The following TENM2 variants were observed in gnomAD, a reference collection of about 807,000 sequenced individuals.
TENM2 encodes the protein teneurin-2.
TENM2 carries 52 observed loss-of-function variants against 245.2 expected under a neutral mutation model. The ratio of observed to expected loss-of-function variants is 0.21; its 90% CI spans 0.17 to 0.27. The LOEUF (loss-of-function observed/expected upper bound fraction) is 0.27, where lower values mean the gene tolerates loss of function less well. TENM2 is among the 10% of genes least tolerant of loss of function. The pLI, the probability that TENM2 is intolerant of heterozygous loss-of-function variation, is 1.00. For missense variants in TENM2, 3,046 were observed against 3,666.8 expected, an observed-to-expected ratio of 0.83 and a Z score of 4.37; for synonymous variants, 1,363 against 1,438.9, an observed-to-expected ratio of 0.95 and a Z score of 1.19.
At chr5:167,368,460 T>C (rs1408911445) in intron 1 of TENM2, among the ~76,000 whole-genome samples, 1 of 152,208 alleles carries the variant, frequency 6.6e-6, no homozygotes, top group African/African-American at 2.4e-5. Flanking sequence ...AGTTCATTAA[T>C]TTTCCTAAGG....
At chr5:167,430,893 G>C (rs1764179252) in intron 2 of TENM2, among the ~76,000 whole-genome samples, 1 of 152,154 alleles carries the variant, frequency 6.6e-6, no homozygotes, top group African/African-American at 2.4e-5. Flanking sequence ...ACAGGGAGTA[G>C]AAAATAGAAA....
chr5:168,216,018 T>C (rs531021060), intron 21 of TENM2, among the ~76,000 whole-genome samples: 1 of 152,166 alleles, frequency 6.6e-6, no homozygotes, highest in African/African-American at 2.4e-5. Context: ...TGGGAACCCA[T>C]GGGTCTCTAT....
chr5:168,118,942 C>CTT (rs1795282793), intron 10 of TENM2, among the ~76,000 whole-genome samples: 2 of 152,088 alleles, frequency 1.3e-5, no homozygotes, highest in African/African-American at 2.4e-5. Flanking sequence ...ATTCCTAAGC[C>CTT]CCTTGCCTCC....
chr5:167,260,752 T>C, the TENM2 span, among the ~76,000 whole-genome samples: 2 of 152,148 alleles, frequency 1.3e-5, no homozygotes, highest in Non-Finnish European at 2.9e-5. Context: ...ATAATTAACA[T>C]AGAGCAAAAC....
intron 6 of TENM2, among the ~76,000 whole-genome samples, chr5:168,050,832 G>C (rs1789020499): frequency 6.6e-6 from 1 of 152,142 alleles, no homozygotes; most frequent in Non-Finnish European, 1.5e-5. Context: ...TGTTGTTCGA[G>C]TCTTATTTTT....
chr5:167,726,696 G>A (rs1760031698), intron 2 of TENM2, among the ~76,000 whole-genome samples: 1 of 152,078 alleles, frequency 6.6e-6, no homozygotes, highest in Non-Finnish European at 1.5e-5. Context: ...TGGCCTCAAA[G>A]GATCCTCTTG....
chr5:167,643,231 T>G (rs996505102), intron 2 of TENM2, among the ~76,000 whole-genome samples: 1 of 152,176 alleles, frequency 6.6e-6, no homozygotes, highest in African/African-American at 2.4e-5. Flanking sequence ...GTCCCCCCAG[T>G]AAGATCCTTC....
At chr5:168,042,608 G>T (rs114035455) in intron 5 of TENM2, among the ~76,000 whole-genome samples, 6 of 151,778 alleles carry the variant, frequency 4.0e-5, no homozygotes, top group African/African-American at 1.5e-4. Flanking sequence ...TCAGTTACTC[G>T]CAACGAACCC....
intron 1 of TENM2, among the ~76,000 whole-genome samples, chr5:167,327,605 C>A (rs935792401): frequency 2.6e-5 from 4 of 152,078 alleles, no homozygotes; most frequent in African/African-American, 9.7e-5. Context: ...TCAGAAAAAA[C>A]CTCCCCGAGG....
the TENM2 span, among the ~76,000 whole-genome samples, chr5:167,018,085 C>A: frequency 6.6e-6 from 1 of 152,122 alleles, no homozygotes; most frequent in Admixed American, 6.5e-5. Context: ...TGTATTCTTT[C>A]CTTAATTATA....
chr5:167,993,001 G>A (rs775882434), exon 5 of TENM2: 13 of 1,613,786 alleles, frequency 8.1e-6, no homozygotes, highest in East Asian at 2.2e-5. Flanking sequence ...GCTCTTCCCC[G>A]GGATACCCTT....
At chr5:167,256,509 A>T in the TENM2 span, among the ~76,000 whole-genome samples, 28 of 152,170 alleles carry the variant, frequency 1.8e-4, no homozygotes, top group African/African-American at 6.5e-4. Flanking sequence ...GTAAAGGTAA[A>T]AGATATTTAT....
chr5:167,570,725 T>G (rs1774214319), intron 2 of TENM2, among the ~76,000 whole-genome samples: 1 of 152,150 alleles, frequency 6.6e-6, no homozygotes, highest in South Asian at 2.1e-4. Context: ...AGAGCTGCAT[T>G]GAAGAATTAT....
chr5:167,844,881 A>G (rs1235967155), intron 2 of TENM2, among the ~76,000 whole-genome samples: 1 of 147,554 alleles, frequency 6.8e-6, no homozygotes, highest in Non-Finnish European at 1.5e-5. Flanking sequence ...AGACTTTTCT[A>G]TCTTCGCCCC....
At chr5:167,226,172 T>C in the TENM2 span, among the ~76,000 whole-genome samples, 1 of 151,946 alleles carries the variant, frequency 6.6e-6, no homozygotes, top group Non-Finnish European at 1.5e-5. Context: ...TCTGATCTTC[T>C]TTTTAAAATT....
intron 27 of TENM2, among the ~76,000 whole-genome samples, chr5:168,249,617 G>C (rs1398409839): frequency 6.6e-6 from 1 of 152,148 alleles, no homozygotes; most frequent in African/African-American, 2.4e-5. Context: ...ATGTCATAAG[G>C]ACATAGGAAG....
chr5:167,109,951 T>G, the TENM2 span, among the ~76,000 whole-genome samples: 1 of 152,158 alleles, frequency 6.6e-6, no homozygotes, highest in Non-Finnish European at 1.5e-5. Context: ...TGCCATGAAA[T>G]TAGAAAAGTC....
chr5:167,748,330 C>A (rs1364700819), intron 2 of TENM2, among the ~76,000 whole-genome samples: 1 of 152,066 alleles, frequency 6.6e-6, no homozygotes, highest in African/African-American at 2.4e-5. Context: ...AAAAAAATTT[C>A]TATCTGTATA....
chr5:167,477,795 CAGAT>C (rs1189768154), intron 2 of TENM2, among the ~76,000 whole-genome samples: 3 of 150,412 alleles, frequency 2.0e-5, no homozygotes, highest in South Asian at 2.1e-4. Flanking sequence ...AGATGATAGA[CAGAT>C]AGACAGATAG....
Sources: gnomAD v4.1 joint callset for allele counts (sites outside exome capture counted in the v4.1 genomes callset) on GRCh38, gnomAD v4.1.1 for gene constraint, MANE v1.5 for transcripts, NCBI Gene and HGNC (gene_info 2026-07-23, HGNC 2026-07-21) for gene names.